CSDE1: variants seen among roughly 807,000 people sequenced by gnomAD.
The protein encoded by CSDE1 is cold shock domain containing E1, also known as cold shock domain-containing protein E1.
In CSDE1, 17 loss-of-function variants were observed where a neutral mutation model predicts 89.3. The observed-to-expected ratio is 0.19, with a 90% CI of 0.13 to 0.29. The LOEUF (loss-of-function observed/expected upper bound fraction) is 0.29. CSDE1 is among the 10% of genes least tolerant of loss of function. The pLI is 1.00. For missense variants in CSDE1, 672 were observed against 984.2 expected (o/e 0.68, Z 4.24); for synonymous variants, 322 against 332.8 (o/e 0.97, Z 0.35).
At chr1:114,720,481 G>A (rs540235558) in intron 17 of CSDE1, 58 bp downstream of exon 17, 2 of 1,416,588 alleles carry the variant, frequency 1.4e-6, no homozygotes, top group South Asian at 1.5e-5. Flanking sequence ...ATATTTGAAG[G>A]TTTTGGTTAC....
At chr1:114,724,123 ATGGGG>A in intron 15 of CSDE1, 121 bp from the exon 16 acceptor site, 1 of 1,073,776 alleles carries the variant, frequency 9.3e-7, no homozygotes, top group Non-Finnish European at 1.3e-6. Flanking sequence ...TGCTATTGAA[ATGGGG>A]TAGGGAACCT....
rs142423793 is a variant in CSDE1 at position 114,738,976 on chromosome 1, C to T, written c.199+716G>A. On this transcript the variant is annotated intron_variant, in intron 3 of 19. Coordinates refer to ENST00000358528, the MANE Select transcript of CSDE1 (RefSeq NM_001007553.3). ...TACAGGCATGAGCCACCATGCCAGG[C>T]CTGTGAAATAATTTGTATGGTGTCA... is the stretch of plus-strand genomic sequence containing the variant. Among the ~76,000 whole-genome samples the T allele has an allele frequency of 8.3e-3, 1,257 of 151,924 alleles. 12 individuals are homozygous for T. Among genetic ancestry groups the T allele is most frequent in the Non-Finnish European group, 0.012 (820 of 67,962 alleles).
intron 17 of CSDE1, 89 bp downstream of exon 17, chr1:114,720,447 TTGA>T: frequency 8.2e-7 from 1 of 1,222,376 alleles, no homozygotes. Flanking sequence ...CGAATGAATG[TTGA>T]TGATTTCCCC....
chr1:114,720,791 A>G (rs1245722935), intron 16 of CSDE1, 74 bp from the exon 17 acceptor site: 4 of 1,296,634 alleles, frequency 3.1e-6, no homozygotes, highest in East Asian at 4.7e-5. Context: ...GGAAGTTTAT[A>G]TAACTGCTAA....
rs1256952564 is a variant in CSDE1 at position 114,716,939 on chromosome 1, C to T, written c.*1230G>A. On this transcript the variant is annotated 3_prime_UTR_variant, in exon 20 of 20. Coordinates refer to ENST00000358528, the MANE Select transcript of CSDE1 (RefSeq NM_001007553.3). ...GCTAGTGTCTCAAAAATCAGTAAAACTTTATTCGCTTCCATTCTTTCGCCA... is the reference window on the plus strand; with the variant it reads ...GCTAGTGTCTCAAAAATCAGTAAAATTTTATTCGCTTCCATTCTTTCGCCA... 3 of 152,644 alleles carry T rather than the reference C, an allele frequency of 2.0e-5. No individual in the cohort carries two copies. Among genetic ancestry groups the T allele is most frequent in the Non-Finnish European group, 2.9e-5 (2 of 68,070 alleles). The allele number at this position is 152,644 out of a possible 1,614,324, so 9.5% of individuals were successfully genotyped here. A position where few individuals can be genotyped will look rare whatever the true frequency, so the allele number is the denominator to read the frequency against.
rs1334419733 is a variant in CSDE1, at chr1:114,716,976, C to T, written c.*1193G>A. ...CCATTCTTTCGCCATTAACAGAAAA[C>T]TGGAGAAAGCAAAAATGTTTCGTGT... On this transcript the variant is annotated 3_prime_UTR_variant, in exon 20 of 20. Coordinates refer to ENST00000358528, the MANE Select transcript of CSDE1 (RefSeq NM_001007553.3). 1 of 152,680 alleles carries T rather than the reference C, an allele frequency of 6.5e-6. No individual in the cohort carries two copies. Among genetic ancestry groups the T allele is most frequent in the East Asian group, 1.9e-4 (1 of 5,196 alleles). 9.5% of individuals were successfully genotyped at this position (152,680 alleles called of 1,614,324 possible).
chr1:114,752,144 G>A (rs1351128828), intron 1 of CSDE1, among the ~76,000 whole-genome samples: 1 of 152,038 alleles, frequency 6.6e-6, no homozygotes, highest in Non-Finnish European at 1.5e-5. Flanking sequence ...TATACGCCTG[G>A]AGCCTCAGCT....
chr1:114,738,150 T>A, intron 3 of CSDE1, 78 bp from the exon 4 acceptor site: 3 of 1,115,162 alleles, frequency 2.7e-6, no homozygotes, highest in South Asian at 2.5e-5. Context: ...ATACTTAACA[T>A]AGCATTTGAA....
At chr1:114,725,383 C>T in intron 14 of CSDE1, 50 bp from the exon 15 acceptor site, 1 of 1,323,168 alleles carries the variant, frequency 7.6e-7, no homozygotes, top group Non-Finnish European at 1.1e-6. Context: ...TAAACATCAA[C>T]AGTAACAGGC....
intron 9 of CSDE1, among the ~76,000 whole-genome samples, 184 bp downstream of exon 9, chr1:114,733,548 A>C (rs1660222955): frequency 1.3e-5 from 2 of 151,858 alleles, no homozygotes; most frequent in South Asian, 2.1e-4. Context: ...AAAAAAAAAA[A>C]ACACCATATT....
intron 14 of CSDE1, 56 bp from the exon 15 acceptor site, chr1:114,725,389 C>A: frequency 7.6e-7 from 1 of 1,313,786 alleles, no homozygotes; most frequent in Non-Finnish European, 1.1e-6. Context: ...TCAACAGTAA[C>A]AGGCAGTCTT....
chr1:114,741,943 T>C (rs898828032), intron 2 of CSDE1, among the ~76,000 whole-genome samples: 3 of 152,232 alleles, frequency 2.0e-5, no homozygotes, highest in African/African-American at 7.2e-5. Flanking sequence ...TTCTTTTCAA[T>C]GCCGATCAAC....
At position 114,718,015 on chromosome 1, in the gene CSDE1, C is replaced by A. The variant is rs1414728363; in HGVS notation, c.*154G>T. ...TCTTAAATTTATTTATTTTTTTAAACATAACACGAGGAAGGTGTTAAAACT... is the reference window on the plus strand; with the variant it reads ...TCTTAAATTTATTTATTTTTTTAAAAATAACACGAGGAAGGTGTTAAAACT... On this transcript the variant is annotated 3_prime_UTR_variant, in exon 20 of 20. Coordinates refer to ENST00000358528, the MANE Select transcript of CSDE1 (RefSeq NM_001007553.3). 2.4e-5 allele frequency: 16 copies of A among 670,078 alleles called. No homozygotes were observed. The South Asian group carries it at 3.5e-4, about 15-fold the overall frequency. The allele number at this position is 670,078 out of a possible 1,614,324, so 41.5% of individuals were successfully genotyped here.
rs1660716602 is a variant in CSDE1 at position 114,741,347 on chromosome 1, T to C, written c.1-1457A>G. Reference sequence around the variant, plus strand: ...TAATAATGCTTCTGATTCTTAGATATACTTTGGGCAGTAAGACCCTAATCT... The same window carrying C: ...TAATAATGCTTCTGATTCTTAGATACACTTTGGGCAGTAAGACCCTAATCT... On this transcript the variant is annotated intron_variant, in intron 2 of 19. Coordinates refer to ENST00000358528, the MANE Select transcript of CSDE1 (RefSeq NM_001007553.3). Among the ~76,000 whole-genome samples, 6 of 152,206 alleles carry C rather than the reference T, an allele frequency of 3.9e-5. No individual in the cohort carries two copies. In the South Asian group the frequency reaches 8.3e-4, roughly 21 times the overall value.
Position 114,717,204 on chromosome 1 carries a change from T to G in CSDE1, c.*965A>C, listed in dbSNP as rs936239511. On this transcript the variant is annotated 3_prime_UTR_variant, in exon 20 of 20. Coordinates refer to ENST00000358528, the MANE Select transcript of CSDE1 (RefSeq NM_001007553.3). ...ACCCATCCATTCCCGTGATATAAAG[T>G]TGAACAGAAGCTACACCAAGGGTCA... 1 of 152,546 alleles carries G rather than the reference T, an allele frequency of 6.6e-6. No individual in the cohort carries two copies. Among genetic ancestry groups the G allele is most frequent in the Non-Finnish European group, 1.5e-5 (1 of 68,038 alleles). 9.4% of individuals were successfully genotyped at this position (152,546 alleles called of 1,614,324 possible).
chr1:114,730,471 A>G, intron 11 of CSDE1, 37 bp downstream of exon 11: 1 of 1,611,700 alleles, frequency 6.2e-7, no homozygotes, highest in Non-Finnish European at 8.5e-7. Context: ...AGAAAGCATC[A>G]AGAAACACCT....
Position 114,718,901 on chromosome 1 carries a change from AGTTT to A in CSDE1, c.2217-160_2217-157del, listed in dbSNP as rs749596543. On this transcript the variant is annotated intron_variant, in intron 18 of 19. Transcript: ENST00000358528. ...CCTAGCTAGAAAGACAGGACAGACA[AGTTT>A]GTTTATGTATTATTATCCCCAACTC... 479 of 758,124 alleles carry A rather than the reference AGTTT, an allele frequency of 6.3e-4. 1 individual carries two copies. Among genetic ancestry groups the A allele is most frequent in the Non-Finnish European group, 8.8e-4 (424 of 483,460 alleles). The allele number at this position is 758,124 out of a possible 1,614,324, so 47.0% of individuals were successfully genotyped here.
intron 17 of CSDE1, among the ~76,000 whole-genome samples, chr1:114,719,951 A>T (rs1260154561): frequency 2.0e-5 from 3 of 152,202 alleles, no homozygotes; most frequent in African/African-American, 7.2e-5. Context: ...AAACAAATAA[A>T]ACTTGCCTTG....
At chr1:114,744,845 G>C (rs2101070642) in intron 2 of CSDE1, among the ~76,000 whole-genome samples, 1 of 152,252 alleles carries the variant, frequency 6.6e-6, no homozygotes, top group East Asian at 1.9e-4. Context: ...TTGAGGGGCA[G>C]AACTTTCAAT....
Sources: allele counts gnomAD v4.1 joint callset (sites outside exome capture counted in the v4.1 genomes callset), GRCh38; gene constraint gnomAD v4.1.1; transcripts MANE v1.5; gene names NCBI Gene and HGNC (gene_info 2026-07-23, HGNC 2026-07-21).